The following ZNF721 variants were observed in gnomAD, a reference collection of about 807,000 sequenced individuals.
The protein encoded by ZNF721 is zinc finger protein 721.
In ZNF721, 2 loss-of-function variants were observed where a neutral mutation model predicts 2.4. The ratio of observed to expected loss-of-function variants is 0.82; its 90% CI spans 0.34 to 2.58. The LOEUF (loss-of-function observed/expected upper bound fraction) is 2.58. ZNF721 is among the 30% of genes most tolerant of loss of function. ZNF721 has a pLI of 0.11. For missense variants in ZNF721, 1,187 were observed against 1,085.5 expected (o/e 1.09, Z -1.31); for synonymous variants, 398 against 381.8 (o/e 1.04, Z -0.50).
At chr4:469,796 A>T in intron 2 of ZNF721, among the ~76,000 whole-genome samples, 1 of 152,236 alleles carries the variant, frequency 6.6e-6, no homozygotes, top group East Asian at 1.9e-4. Context: ...GAATTTTGGC[A>T]AGGGGATCAT....
chr4:444,855 C>G (rs1197398021), intron 2 of ZNF721, among the ~76,000 whole-genome samples: 1 of 152,048 alleles, frequency 6.6e-6, no homozygotes, highest in African/African-American at 2.4e-5. Flanking sequence ...TCCAATAAAA[C>G]AGTGCTGAAA....
Position 443,135 on chromosome 4 carries a change from G to A in ZNF721, c.1332C>T (p.Pro444=). 2 of 1,613,556 alleles carry A rather than the reference G, an allele frequency of 1.2e-6. No individual in the cohort carries two copies. The change falls in exon 3 of 3, where the codon CCC becomes CCT. Residue 444 remains proline (P), a synonymous_variant. Transcript: ENST00000511833. ...CTTTCCCACATTCTTTACATTTGTA[G>A]GGTTTATCTCCAGTATGAATTTTCT... The part of the protein sequence containing the change: ...EYKKIHTGDK[P]YKCKECGKAF...
rs191579274 is a variant in ZNF721, at chr4:460,711, C to T, written c.34+11864G>A. ...ATAGATAGACCACTAGCAACACTAC[C>T]AAAGAAGAAAAGAGAGAAGAATCAA... On this transcript the variant is annotated intron_variant, in intron 2 of 2. Transcript: ENST00000511833. 7.1e-3 allele frequency among the ~76,000 whole-genome samples: 1,057 copies of T among 149,722 alleles called. 15 individuals are homozygous for T. Among genetic ancestry groups the T allele is most frequent in the African/African-American group, 0.024 (999 of 40,922 alleles).
intron 1 of ZNF721, among the ~76,000 whole-genome samples, chr4:474,807 T>C (rs1715582897): frequency 6.7e-6 from 1 of 148,326 alleles, no homozygotes; most frequent in Non-Finnish European, 1.5e-5. Context: ...ACCTGGGGGG[T>C]GGAGGTTGCA....
chr4:468,005 T>C (rs1293916859), intron 2 of ZNF721, among the ~76,000 whole-genome samples: 1 of 150,146 alleles, frequency 6.7e-6, no homozygotes, highest in Non-Finnish European at 1.5e-5. Context: ...GCGTGCCGGG[T>C]GCGGTGGCTC....
intron 2 of ZNF721, among the ~76,000 whole-genome samples, chr4:462,922 G>A (rs1715113524): frequency 6.6e-6 from 1 of 152,168 alleles, no homozygotes; most frequent in African/African-American, 2.4e-5. Flanking sequence ...TTAAACTAAA[G>A]AGCTTCTGCA....
chr4:471,782 G>A (rs1553867713), intron 2 of ZNF721, among the ~76,000 whole-genome samples: 1 of 152,024 alleles, frequency 6.6e-6, no homozygotes, highest in African/African-American at 2.4e-5. Flanking sequence ...TGAGGTAATA[G>A]ATATGTTGAT....
At chr4:489,050 C>G (rs1394701029) in intron 1 of ZNF721, among the ~76,000 whole-genome samples, 1 of 152,078 alleles carries the variant, frequency 6.6e-6, no homozygotes, top group Non-Finnish European at 1.5e-5. Flanking sequence ...GCAACTTAGG[C>G]CTAGGTGTAA....
chr4:451,410 G>A (rs1714656840), intron 2 of ZNF721, among the ~76,000 whole-genome samples: 1 of 152,164 alleles, frequency 6.6e-6, no homozygotes, highest in Non-Finnish European at 1.5e-5. Flanking sequence ...ATGCCCTAGT[G>A]ATGGGACCTC....
chr4:445,014 T>C (rs1239089096), intron 2 of ZNF721, among the ~76,000 whole-genome samples: 2 of 135,410 alleles, frequency 1.5e-5, no homozygotes, highest in African/African-American at 5.7e-5. Context: ...AGATGGAGTC[T>C]CACTCTGTCG....
intron 1 of ZNF721, among the ~76,000 whole-genome samples, chr4:493,241 C>G (rs913380973): frequency 2.0e-5 from 3 of 151,052 alleles, no homozygotes; most frequent in Non-Finnish European, 4.4e-5. Context: ...TGTCCTTGTT[C>G]ATTCCTAGGC....
Position 441,999 on chromosome 4 carries a change from G to A in ZNF721, c.2468C>T (p.Thr823Ile), listed in dbSNP as rs1258898578. The change falls in exon 3 of 3, where the codon ACC becomes ATC. Residue 823 changes from threonine to isoleucine, a missense_variant. Physicochemically the swap from Thr to Ile is moderately conservative, Grantham distance 89. Coordinates refer to ENST00000511833, the MANE Select transcript of ZNF721 (RefSeq NM_133474.4). Reference sequence around the variant, plus strand: ...ATGAATTCTCCTATGTTTAGTAAGGGTTGTGGAACTAGTAAACGCTTTACC... The same window carrying A: ...ATGAATTCTCCTATGTTTAGTAAGGATTGTGGAACTAGTAAACGCTTTACC... ...ECGKAFTSST[T>I]LTKHRRIHTG... 6.2e-7 allele frequency: 1 copy of A among 1,613,450 alleles called. No homozygotes were observed. Among genetic ancestry groups the A allele is most frequent in the Non-Finnish European group, 8.5e-7 (1 of 1,179,866 alleles).
chr4:472,661 G>A lies in ZNF721; in HGVS notation c.-53C>T. On this transcript the variant is annotated 5_prime_UTR_variant, in exon 2 of 3. Transcript: ENST00000511833. ...AGGGTCCAGGCATTTCCACTCTTCT[G>A]GAGAGAATTCTATGGCCACATCCCT... 1.2e-6 allele frequency: 2 copies of A among 1,613,770 alleles called. No homozygotes were observed. Among genetic ancestry groups the A allele is most frequent in the Non-Finnish European group, 1.7e-6 (2 of 1,179,956 alleles).
chr4:491,076 AGAG>A (rs1368268976), intron 1 of ZNF721, among the ~76,000 whole-genome samples: 5 of 152,194 alleles, frequency 3.3e-5, no homozygotes, highest in African/African-American at 1.2e-4. Flanking sequence ...CTTCCTTAAA[AGAG>A]AAGAAAAATA....
intron 2 of ZNF721, among the ~76,000 whole-genome samples, chr4:470,133 C>G (rs143164599): frequency 4.3e-4 from 65 of 152,178 alleles, no homozygotes; most frequent in Non-Finnish European, 7.9e-4. Flanking sequence ...CCACCTGCCT[C>G]TGCCTCCCAA....
chr4:486,165 C>CT (rs35987865), intron 1 of ZNF721, among the ~76,000 whole-genome samples: 60 of 135,910 alleles, frequency 4.4e-4, no homozygotes, highest in Middle Eastern at 3.7e-3. Flanking sequence ...TTTTTCTTTT[C>CT]TTTTTTTTTT....
At position 468,352 on chromosome 4, in the gene ZNF721, C is replaced by T. The variant is rs145550639; in HGVS notation, c.34+4223G>A. Among the ~76,000 whole-genome samples the T allele has an allele frequency of 1.6e-3, 242 of 151,910 alleles. 7 individuals are homozygous for T. In the East Asian group the frequency reaches 0.039, roughly 25 times the overall value. On this transcript the variant is annotated intron_variant, in intron 2 of 2. Transcript: ENST00000511833. ...GGCTGAGGCAGGAGAATCGCTTGAA[C>T]CTGGGAGGCGGAGGTTGCAGTGAGC...
At chr4:464,743 A>G (rs1240137732) in intron 2 of ZNF721, among the ~76,000 whole-genome samples, 2 of 152,126 alleles carry the variant, frequency 1.3e-5, no homozygotes, top group African/African-American at 2.4e-5. Context: ...CAGGAATAAA[A>G]TAAAATAAAG....
rs1553863316 is a variant in ZNF721 at position 442,276 on chromosome 4, C to G, written c.2191G>C (p.Gly731Arg). 2 of 1,613,274 alleles carry G rather than the reference C, an allele frequency of 1.2e-6. No homozygotes were observed. Among genetic ancestry groups the G allele is most frequent in the African/African-American group, 2.7e-5 (2 of 75,038 alleles). ...REKPYKCEDR[G>R]RSFGWSTNLN... The stretch of plus-strand genomic sequence containing the variant: ...TTTGTGGACCATCCAAAGGATCTGC[C>G]ACGATCTTCACATTTGTAGGGTTTC... Residue 731 changes from glycine (G) to arginine (R), a missense_variant, in exon 3 of 3, where the codon GGC becomes CGC. Coordinates refer to ENST00000511833, the MANE Select transcript of ZNF721 (RefSeq NM_133474.4).
Sources: gnomAD v4.1 joint callset for allele counts (sites outside exome capture counted in the v4.1 genomes callset) on GRCh38, gnomAD v4.1.1 for gene constraint, MANE v1.5 for transcripts, NCBI Gene and HGNC (gene_info 2026-07-23, HGNC 2026-07-21) for gene names.